The following LRRTM4 variants were observed in gnomAD, a reference collection of about 807,000 sequenced individuals.
LRRTM4 encodes the protein leucine rich repeat transmembrane neuronal 4.
Under a neutral mutation model 47.6 loss-of-function variants are expected in LRRTM4, and 25 were observed. The observed-to-expected ratio is 0.53, with a 90% CI of 0.38 to 0.73. The LOEUF (loss-of-function observed/expected upper bound fraction) is 0.73. Ranked by LOEUF, LRRTM4 falls within the 30% of genes least tolerant of loss-of-function variation. LRRTM4 has a pLI of 0.00. For synonymous variants in LRRTM4, 311 were observed against 269.5 expected, an observed-to-expected ratio of 1.15 and a Z score of -1.51; for missense variants, 638 against 713.4, an observed-to-expected ratio of 0.89 and a Z score of 1.20.
chr2:76,937,792 T>G (rs1371961212), intron 3 of LRRTM4, among the ~76,000 whole-genome samples: 1 of 152,024 alleles, frequency 6.6e-6, no homozygotes, highest in African/African-American at 2.4e-5. Context: ...GGTCTCGATC[T>G]CGTGATCTCG....
chr2:77,307,203 A>G (rs923185165), intron 3 of LRRTM4, among the ~76,000 whole-genome samples: 2 of 151,930 alleles, frequency 1.3e-5, no homozygotes, highest in Admixed American at 1.3e-4. Flanking sequence ...CCCGGCCCCC[A>G]TATTTTTGTA....
chr2:77,089,318 C>A (rs557924373), intron 3 of LRRTM4, among the ~76,000 whole-genome samples: 1 of 151,416 alleles, frequency 6.6e-6, no homozygotes, highest in African/African-American at 2.4e-5. Flanking sequence ...TTACCAAGTC[C>A]CACTTTTCTA....
chr2:77,121,924 T>C (rs1671531108), intron 3 of LRRTM4, among the ~76,000 whole-genome samples: 1 of 151,902 alleles, frequency 6.6e-6, no homozygotes, highest in East Asian at 1.9e-4. Flanking sequence ...CTGGAAATTA[T>C]TCTGAATGTT....
chr2:76,856,941 T>G lies in LRRTM4; in HGVS notation c.1552-108025A>C, dbSNP rs370784905. ...GTATTTCTTCTGTCGCAAAAAAAAA[T>G]AAAAGAAAAATTTACAACAATGGTT... On this transcript the variant is annotated intron_variant, in intron 3 of 3. Transcript: ENST00000409884. 1.5e-4 allele frequency among the ~76,000 whole-genome samples: 23 copies of G among 152,032 alleles called. No individual in the cohort carries two copies. The East Asian group carries it at 3.3e-3, about 22-fold the overall frequency.
At chr2:77,180,559 C>A (rs1228628639) in intron 3 of LRRTM4, among the ~76,000 whole-genome samples, 1 of 152,116 alleles carries the variant, frequency 6.6e-6, no homozygotes, top group African/African-American at 2.4e-5. Context: ...TTGAGAAATT[C>A]ATGTAAAACC....
At chr2:76,886,047 T>G (rs1673066941) in intron 3 of LRRTM4, among the ~76,000 whole-genome samples, 1 of 152,140 alleles carries the variant, frequency 6.6e-6, no homozygotes, top group Non-Finnish European at 1.5e-5. Context: ...TTGCTCAACA[T>G]TTTATCACAA....
At chr2:77,292,434 C>T (rs1327656620) in intron 3 of LRRTM4, among the ~76,000 whole-genome samples, 2 of 151,786 alleles carry the variant, frequency 1.3e-5, no homozygotes, top group African/African-American at 4.8e-5. Context: ...ATAGCAAAGA[C>T]TTGGAACCAA....
At chr2:77,198,607 A>T (rs1293128983) in intron 3 of LRRTM4, among the ~76,000 whole-genome samples, 1 of 152,162 alleles carries the variant, frequency 6.6e-6, no homozygotes, top group Non-Finnish European at 1.5e-5. Context: ...AGCATGAAAA[A>T]CCTAGATATA....
intron 3 of LRRTM4, among the ~76,000 whole-genome samples, chr2:77,114,359 C>T (rs1671331363): frequency 6.6e-6 from 1 of 152,106 alleles, no homozygotes; most frequent in Admixed American, 6.6e-5. Flanking sequence ...CATCGGTACC[C>T]GAATACCTCC....
chr2:76,911,291 C>A (rs936716126), intron 3 of LRRTM4, among the ~76,000 whole-genome samples: 2 of 152,110 alleles, frequency 1.3e-5, no homozygotes, highest in African/African-American at 4.8e-5. Context: ...TTTGTTAATG[C>A]AATCATTGTT....
chr2:76,798,531 A>C (rs1366430683), intron 3 of LRRTM4, among the ~76,000 whole-genome samples: 5 of 145,568 alleles, frequency 3.4e-5, no homozygotes, highest in African/African-American at 5.0e-5. Context: ...TAACATCACA[A>C]TTAAAAGAAC....
At chr2:77,006,049 A>C (rs1008231159) in intron 3 of LRRTM4, among the ~76,000 whole-genome samples, 57 of 152,326 alleles carry the variant, frequency 3.7e-4, no homozygotes, top group African/African-American at 1.3e-3. Context: ...CCAGAATACA[A>C]ACTCTTAAAT....
At chr2:77,049,917 A>C in intron 3 of LRRTM4, among the ~76,000 whole-genome samples, 1 of 152,006 alleles carries the variant, frequency 6.6e-6, no homozygotes, top group Non-Finnish European at 1.5e-5. Context: ...TTGCTTCGTA[A>C]AATTCTGCTT....
intron 3 of LRRTM4, among the ~76,000 whole-genome samples, chr2:77,186,783 G>A (rs912378716): frequency 6.6e-6 from 1 of 152,016 alleles, no homozygotes; most frequent in African/African-American, 2.4e-5. Context: ...AATAATAATT[G>A]GGGTCCAGCT....
At chr2:76,995,676 T>C (rs1199807925) in intron 3 of LRRTM4, among the ~76,000 whole-genome samples, 2 of 152,034 alleles carry the variant, frequency 1.3e-5, no homozygotes, top group African/African-American at 4.8e-5. Flanking sequence ...AATAGAGATG[T>C]CCACACAACT....
chr2:76,773,558 A>C (rs1256409540), intron 3 of LRRTM4, among the ~76,000 whole-genome samples: 1 of 152,128 alleles, frequency 6.6e-6, no homozygotes, highest in Non-Finnish European at 1.5e-5. Context: ...CTAGAAGTTG[A>C]ATTTAAAGAA....
At chr2:77,403,898 G>A (rs973853108) in intron 3 of LRRTM4, among the ~76,000 whole-genome samples, 6 of 145,572 alleles carry the variant, frequency 4.1e-5, no homozygotes, top group African/African-American at 1.7e-4. Flanking sequence ...TAGGAAAGGC[G>A]ATTTCATTGA....
At chr2:77,063,163 T>C (rs1224595501) in intron 3 of LRRTM4, among the ~76,000 whole-genome samples, 2 of 151,988 alleles carry the variant, frequency 1.3e-5, no homozygotes, top group East Asian at 1.9e-4. Context: ...TTTCACCATA[T>C]TGGCCAGGCT....
intron 3 of LRRTM4, among the ~76,000 whole-genome samples, chr2:77,119,314 T>C (rs1182620012): frequency 6.6e-6 from 1 of 151,884 alleles, no homozygotes; most frequent in Non-Finnish European, 1.5e-5. Flanking sequence ...CGTTGATTTA[T>C]TAGTTTAAAA....
Sources: allele counts gnomAD v4.1 joint callset (sites outside exome capture counted in the v4.1 genomes callset), GRCh38; gene constraint gnomAD v4.1.1; transcripts MANE v1.5; gene names NCBI Gene and HGNC (gene_info 2026-07-23, HGNC 2026-07-21).